SBF2: variants seen among roughly 807,000 people sequenced by gnomAD.
The protein encoded by SBF2 is myotubularin-related protein 13.
Under a neutral mutation model 225.2 loss-of-function variants are expected in SBF2, and 112 were observed. The observed-to-expected ratio is 0.50, with a 90% CI of 0.43 to 0.58. The LOEUF (loss-of-function observed/expected upper bound fraction) is 0.58. Among genes scored for constraint, SBF2 ranks in the 20% least tolerant of loss-of-function variants. The probability of loss-of-function intolerance (pLI) is 0.00; values close to 1 mark genes in which losing one functional copy is unlikely to be tolerated. For missense variants in SBF2, 1,996 were observed against 2,206.2 expected (o/e 0.90, Z 1.91); for synonymous variants, 763 against 773.3 (o/e 0.99, Z 0.22).
chr11:9,892,234 C>G (rs144414836), intron 17 of SBF2, among the ~76,000 whole-genome samples: 3,215 of 151,944 alleles, frequency 0.021, 57 homozygotes, highest in Non-Finnish European at 0.031. Context: ...TTCTCCTTCC[C>G]CAGCCTCCTG....
chr11:9,935,203 A>G (rs1435628476), intron 16 of SBF2, among the ~76,000 whole-genome samples: 1 of 152,198 alleles, frequency 6.6e-6, no homozygotes, highest in African/African-American at 2.4e-5. Context: ...TCCCATTCAC[A>G]ATTGCTACTA....
intron 6 of SBF2, among the ~76,000 whole-genome samples, chr11:10,006,792 G>A (rs927665148): frequency 6.6e-6 from 1 of 152,036 alleles, no homozygotes; most frequent in South Asian, 2.1e-4. Context: ...AATCTTCAAG[G>A]TCATATTTGA....
At chr11:10,065,892 A>G (rs1358422468) in intron 2 of SBF2, among the ~76,000 whole-genome samples, 1 of 152,198 alleles carries the variant, frequency 6.6e-6, no homozygotes, top group Non-Finnish European at 1.5e-5. Flanking sequence ...AGTTGCAGTG[A>G]GCCAAGATCG....
rs372712108 is a variant in SBF2 at position 9,984,655 on chromosome 11, A to G, written c.1395+4842T>C. On this transcript the variant is annotated intron_variant, in intron 13 of 39. Coordinates refer to ENST00000256190, the MANE Select transcript of SBF2 (RefSeq NM_030962.4). The stretch of plus-strand genomic sequence containing the variant: ...AGGTTATTCAAAGTTAAGACGAAGG[A>G]AAGAATCTTAAGAGCTATGAGACAG... Among the ~76,000 whole-genome samples the G allele has an allele frequency of 5.9e-5, 9 of 152,322 alleles. 1 individual carries two copies. In the East Asian group the frequency reaches 7.7e-4, roughly 13 times the overall value.
At chr11:10,067,942 C>G (rs1950696133) in intron 2 of SBF2, among the ~76,000 whole-genome samples, 1 of 152,102 alleles carries the variant, frequency 6.6e-6, no homozygotes, top group Non-Finnish European at 1.5e-5. Context: ...CACAGAAACC[C>G]ACACATAGAA....
At chr11:10,165,455 C>A (rs1411501376) in intron 2 of SBF2, among the ~76,000 whole-genome samples, 1 of 152,148 alleles carries the variant, frequency 6.6e-6, no homozygotes, top group Non-Finnish European at 1.5e-5. Flanking sequence ...GCCCCATTAG[C>A]AATAGTTGGC....
intron 16 of SBF2, among the ~76,000 whole-genome samples, chr11:9,917,945 G>C (rs1328828522): frequency 6.6e-6 from 1 of 151,542 alleles, no homozygotes; most frequent in Non-Finnish European, 1.5e-5. Flanking sequence ...AACAGGACCA[G>C]CATTTATTCA....
In SBF2 at chr11:9,995,960, G is replaced by A. The variant is rs141738246; in HGVS notation, c.976-1962C>T. 4.8e-3 allele frequency among the ~76,000 whole-genome samples: 731 copies of A among 151,454 alleles called. 3 individuals are homozygous for A. Among genetic ancestry groups the A allele is most frequent in the African/African-American group, 0.015 (636 of 41,298 alleles). On this transcript the variant is annotated intron_variant, in intron 9 of 39. Coordinates refer to ENST00000256190, the MANE Select transcript of SBF2 (RefSeq NM_030962.4). ...CACGCATGAGCCACCGCACCCGGCC[G>A]TATGCTCCTATTTCTTATTCACAGT... is the stretch of plus-strand genomic sequence containing the variant.
At chr11:10,172,394 C>G (rs1956234800) in intron 2 of SBF2, among the ~76,000 whole-genome samples, 1 of 152,034 alleles carries the variant, frequency 6.6e-6, no homozygotes, top group Non-Finnish European at 1.5e-5. Flanking sequence ...GCTCTGTCTC[C>G]CAGGATGAAG....
At chr11:9,918,187 C>G (rs1863270970) in intron 16 of SBF2, among the ~76,000 whole-genome samples, 1 of 110,994 alleles carries the variant, frequency 9.0e-6, no homozygotes, top group Non-Finnish European at 1.9e-5. Flanking sequence ...CTCCCTCTTA[C>G]TAACTTACTA....
At chr11:9,909,635 A>G (rs1055312010) in intron 16 of SBF2, among the ~76,000 whole-genome samples, 48 of 147,092 alleles carry the variant, frequency 3.3e-4, no homozygotes, top group Non-Finnish European at 5.9e-4. Context: ...GCGCCACTGC[A>G]CTCCAGCCTG....
intron 13 of SBF2, among the ~76,000 whole-genome samples, chr11:9,988,093 C>T (rs952416278): frequency 5.3e-5 from 8 of 152,070 alleles, no homozygotes; most frequent in Non-Finnish European, 1.0e-4. Context: ...GAATAGAGAA[C>T]CCAGAAATAG....
At chr11:9,856,317 G>A (rs1012809301) in intron 19 of SBF2, 141 bp downstream of exon 19, 4 of 1,040,804 alleles carry the variant, frequency 3.8e-6, no homozygotes, top group Non-Finnish European at 4.4e-6. Flanking sequence ...GAAAAGCTGA[G>A]CAAGTCCAAA....
rs772525525 is a variant in SBF2 at position 9,989,524 on chromosome 11, C to T, written c.1368G>A (p.Arg456=). 13 of 1,604,654 alleles carry T rather than the reference C, an allele frequency of 8.1e-6. No homozygotes were observed. The highest frequency in any genetic ancestry group is 1.1e-5 in the Non-Finnish European group (13 of 1,172,354). The change falls in exon 13 of 40, where the codon AGG becomes AGA. Residue 456 remains arginine, a synonymous_variant. Coordinates refer to ENST00000256190, the MANE Select transcript of SBF2 (RefSeq NM_030962.4). ...TTTTGAATAGTTGCTCAGCAAGTTCCCTGACATGCTTTATCATCTTCACTG... is the reference window on the plus strand; with the variant it reads ...TTTTGAATAGTTGCTCAGCAAGTTCTCTGACATGCTTTATCATCTTCACTG... ...NNPVKMIKHV[R]ELAEQLFKNE...
chr11:9,847,816 C>T (rs1449939122), intron 22 of SBF2, among the ~76,000 whole-genome samples: 2 of 152,056 alleles, frequency 1.3e-5, no homozygotes, highest in South Asian at 4.1e-4. Context: ...TCCAATTTCC[C>T]GTGGGAGGAG....
chr11:10,194,191 AG>A (rs1208531308), intron 1 of SBF2, among the ~76,000 whole-genome samples: 16 of 152,346 alleles, frequency 1.1e-4, no homozygotes, highest in African/African-American at 3.8e-4. Flanking sequence ...TTGCATCTGC[AG>A]GAGACACCCA....
intron 13 of SBF2, among the ~76,000 whole-genome samples, chr11:9,975,604 A>G (rs1447360482): frequency 6.6e-6 from 1 of 152,222 alleles, no homozygotes; most frequent in African/African-American, 2.4e-5. Flanking sequence ...TGTAGATTAA[A>G]AAGTATACAT....
chr11:9,906,607 AAG>A (rs1289590598), intron 16 of SBF2, among the ~76,000 whole-genome samples: 1 of 152,242 alleles, frequency 6.6e-6, no homozygotes, highest in African/African-American at 2.4e-5. Flanking sequence ...ATTAGGTTGA[AAG>A]AGGGAAAAAA....
At chr11:10,075,795 G>T (rs1565201958) in intron 2 of SBF2, among the ~76,000 whole-genome samples, 1 of 152,106 alleles carries the variant, frequency 6.6e-6, no homozygotes, top group South Asian at 2.1e-4. Context: ...TTATAGCAGT[G>T]TGAGAACAGA....
Sources: allele counts gnomAD v4.1 joint callset (sites outside exome capture counted in the v4.1 genomes callset), GRCh38; gene constraint gnomAD v4.1.1; transcripts MANE v1.5; gene names NCBI Gene and HGNC (gene_info 2026-07-23, HGNC 2026-07-21).